Variants in VPS54 observed in about 807,000 individuals in gnomAD.
VPS54 encodes vacuolar protein sorting-associated protein 54.
In VPS54, 45 loss-of-function variants were observed where a neutral mutation model predicts 121.5. The observed-to-expected ratio is 0.37, with a 90% CI of 0.29 to 0.47. The LOEUF is 0.47. VPS54 is among the 20% of genes least tolerant of loss of function. The probability of loss-of-function intolerance (pLI) is 0.99; values close to 1 mark genes in which losing one functional copy is unlikely to be tolerated. For synonymous variants in VPS54, 371 were observed against 385.8 expected, an observed-to-expected ratio of 0.96 and a Z score of 0.45; for missense variants, 1,090 against 1,131.4, an observed-to-expected ratio of 0.96 and a Z score of 0.52.
chr2:63,925,943 A>C (rs1673879433), intron 12 of VPS54, among the ~76,000 whole-genome samples: 4 of 152,220 alleles, frequency 2.6e-5, no homozygotes, highest in Admixed American at 2.6e-4. Context: ...AGCACTTTAT[A>C]ATTGCTACAT....
chr2:64,008,933 GAATGAATC>G (rs1385156549), intron 1 of VPS54, among the ~76,000 whole-genome samples: 2 of 152,170 alleles, frequency 1.3e-5, no homozygotes, highest in African/African-American at 2.4e-5. Context: ...AAATATTTCT[GAATGAATC>G]AATGAATCAA....
intron 20 of VPS54, 85 bp from the exon 21 acceptor site, chr2:63,899,666 G>T: frequency 9.1e-7 from 1 of 1,097,092 alleles, no homozygotes; most frequent in Non-Finnish European, 1.3e-6. Context: ...TATATTTACT[G>T]TCCCTCCACA....
intron 3 of VPS54, among the ~76,000 whole-genome samples, chr2:63,976,009 C>T (rs66476638): frequency 0.18 from 26,964 of 152,106 alleles, 3,174 homozygotes; most frequent in Non-Finnish European, 0.24. Flanking sequence ...GGATTACAGG[C>T]GTGAGCCGAC....
chr2:63,961,609 A>G (rs1186184469), intron 7 of VPS54, among the ~76,000 whole-genome samples: 1 of 152,208 alleles, frequency 6.6e-6, no homozygotes, highest in African/African-American at 2.4e-5. Flanking sequence ...CTTTTCTATC[A>G]CCATGTGGAT....
At chr2:63,979,215 A>T (rs1676688216) in intron 3 of VPS54, among the ~76,000 whole-genome samples, 1 of 146,166 alleles carries the variant, frequency 6.8e-6, no homozygotes, top group African/African-American at 2.5e-5. Flanking sequence ...TTTGACTTTG[A>T]TGTTTATTCT....
rs376181497 is a variant in VPS54, at chr2:63,920,651, G to T, written c.1870-24C>A. The T allele has an allele frequency of 1.7e-5, 24 of 1,401,938 alleles. No individual in the cohort carries two copies. The African/African-American group carries it at 3.3e-4, about 19-fold the overall frequency. The allele number at this position is 1,401,938 out of a possible 1,614,324, so 86.8% of individuals were successfully genotyped here. ...TCCTAAATTTTAATACAAAAATCAT[G>T]AGAGTTAGTGTAACACCAAATTGAG... On this transcript the variant is annotated intron_variant, in intron 13 of 22. Coordinates refer to ENST00000272322, the MANE Select transcript of VPS54 (RefSeq NM_016516.3).
chr2:63,981,517 C>CA, intron 3 of VPS54, 129 bp downstream of exon 3: 1 of 1,049,266 alleles, frequency 9.5e-7, no homozygotes, highest in Non-Finnish European at 1.3e-6. Flanking sequence ...CAGGACAGTA[C>CA]AATTTGTATG....
At chr2:63,963,537 C>A (rs1396238887) in intron 6 of VPS54, among the ~76,000 whole-genome samples, 2 of 152,074 alleles carry the variant, frequency 1.3e-5, no homozygotes, top group Non-Finnish European at 2.9e-5. Flanking sequence ...ATTTAGGTCT[C>A]ATAAGATTAG....
At chr2:63,972,527 T>G (rs977405224) in intron 3 of VPS54, among the ~76,000 whole-genome samples, 13 of 152,146 alleles carry the variant, frequency 8.5e-5, no homozygotes, top group Non-Finnish European at 1.0e-4. Flanking sequence ...GGAAAATATT[T>G]ATGTATGAAT....
At chr2:63,911,983 T>A (rs1227588781) in intron 20 of VPS54, among the ~76,000 whole-genome samples, 1 of 152,168 alleles carries the variant, frequency 6.6e-6, no homozygotes, top group Non-Finnish European at 1.5e-5. Context: ...AAGAAATGAA[T>A]GTTGAAATGA....
At chr2:63,946,533 T>G (rs1674987116) in intron 9 of VPS54, among the ~76,000 whole-genome samples, 1 of 152,102 alleles carries the variant, frequency 6.6e-6, no homozygotes, top group Admixed American at 6.6e-5. Flanking sequence ...TGATTATAAT[T>G]TTTTTGCTTA....
At chr2:63,970,290 T>G (rs1250089562) in intron 4 of VPS54, among the ~76,000 whole-genome samples, 2 of 144,098 alleles carry the variant, frequency 1.4e-5, no homozygotes, top group African/African-American at 2.6e-5. Context: ...TATAGATATA[T>G]ATAGATATAT....
At chr2:63,988,642 A>G (rs1477959885) in intron 1 of VPS54, among the ~76,000 whole-genome samples, 2 of 152,200 alleles carry the variant, frequency 1.3e-5, no homozygotes, top group Non-Finnish European at 2.9e-5. Context: ...CCAATCAACA[A>G]TCTTATGATT....
chr2:63,927,250 C>A (rs1196523139), intron 12 of VPS54, among the ~76,000 whole-genome samples: 2 of 152,170 alleles, frequency 1.3e-5, no homozygotes, highest in African/African-American at 4.8e-5. Flanking sequence ...AGACACCTCC[C>A]AGTAGGGGGC....
At chr2:63,953,076 T>G (rs1398227142) in intron 7 of VPS54, among the ~76,000 whole-genome samples, 3 of 151,258 alleles carry the variant, frequency 2.0e-5, no homozygotes, top group South Asian at 2.1e-4. Context: ...TTATTTCCCC[T>G]CTAGAAGCCT....
intron 7 of VPS54, among the ~76,000 whole-genome samples, chr2:63,955,626 ATAAT>A (rs1323480945): frequency 6.6e-6 from 1 of 152,088 alleles, no homozygotes; most frequent in East Asian, 1.9e-4. Flanking sequence ...TACAGGCTAT[ATAAT>A]TAATTTAATA....
chr2:63,964,600 G>A (rs1283673398), intron 6 of VPS54, among the ~76,000 whole-genome samples: 1 of 152,112 alleles, frequency 6.6e-6, no homozygotes, highest in African/African-American at 2.4e-5. Flanking sequence ...TTGTTCTTAT[G>A]CATGGAAAAA....
chr2:64,006,275 T>C (rs1267292315), intron 1 of VPS54, among the ~76,000 whole-genome samples: 1 of 152,180 alleles, frequency 6.6e-6, no homozygotes, highest in African/African-American at 2.4e-5. Context: ...CCTCAAAAGG[T>C]TCACATACAT....
intron 11 of VPS54, among the ~76,000 whole-genome samples, chr2:63,939,848 C>T (rs1674639448): frequency 6.6e-6 from 1 of 151,978 alleles, no homozygotes; most frequent in South Asian, 2.1e-4. Context: ...GCAACCTCCA[C>T]CTCCCGGGTT....
Sources: allele counts gnomAD v4.1 joint callset (sites outside exome capture counted in the v4.1 genomes callset), GRCh38; gene constraint gnomAD v4.1.1; transcripts MANE v1.5; gene names NCBI Gene and HGNC (gene_info 2026-07-23, HGNC 2026-07-21).